Variants in ADCK1 observed in about 807,000 individuals in gnomAD.
ADCK1 encodes the protein aarF domain containing kinase 1, also known as aarF domain-containing protein kinase 1.
A neutral mutation model predicts 52.3 loss-of-function variants in ADCK1; 41 were observed. That is an observed-to-expected ratio of 0.78 (90% CI 0.61 to 1.02). The LOEUF (loss-of-function observed/expected upper bound fraction) is 1.02, where lower values mean the gene tolerates loss of function less well. Ranked by LOEUF, ADCK1 falls within the 50% of genes least tolerant of loss-of-function variation. ADCK1 has a pLI of 0.00. For synonymous variants in ADCK1, 250 were observed against 274.6 expected (o/e 0.91, Z 0.89); for missense variants, 658 against 679.5 (o/e 0.97, Z 0.35).
intron 6 of ADCK1, among the ~76,000 whole-genome samples, chr14:77,905,304 G>GGTTTTTTTTTT (rs2083636578): frequency 1.0e-5 from 1 of 96,278 alleles, no homozygotes; most frequent in African/African-American, 4.3e-5. Flanking sequence ...TTCCTAGCTG[G>GGTTTTTTTTTT]TTTTTTTTTT....
intron 6 of ADCK1, among the ~76,000 whole-genome samples, chr14:77,904,921 A>G (rs2083624870): frequency 6.6e-6 from 1 of 152,146 alleles, no homozygotes; most frequent in Non-Finnish European, 1.5e-5. Context: ...GAAGAAGCAT[A>G]GGACAGGAAA....
At chr14:77,815,143 A>G (rs917283126) in intron 1 of ADCK1, among the ~76,000 whole-genome samples, 1 of 146,602 alleles carries the variant, frequency 6.8e-6, no homozygotes, top group East Asian at 2.0e-4. Flanking sequence ...TTGGCCTCCC[A>G]CCAAGCCTGG....
chr14:77,815,890 A>G (rs529010368), intron 1 of ADCK1, among the ~76,000 whole-genome samples: 1 of 143,436 alleles, frequency 7.0e-6, no homozygotes, highest in South Asian at 2.2e-4. Flanking sequence ...ATCTCAGCTC[A>G]CTGCGACCTC....
rs1456605471 is a variant in ADCK1, at chr14:77,803,548, A to G, written c.-12+3378A>G. On this transcript the variant is annotated intron_variant, in intron 1 of 10. Transcript: ENST00000238561. The stretch of plus-strand genomic sequence containing the variant: ...CAGACTCTCCTGTTGCTTCATTTTC[A>G]TAACCTACTGGGGTGTTTCCTGTGG... Among the ~76,000 whole-genome samples the G allele has an allele frequency of 2.0e-5, 3 of 152,186 alleles. No individual in the cohort carries two copies. The East Asian group carries it at 5.8e-4, about 29-fold the overall frequency.
chr14:77,901,096 G>T (rs890819607), intron 6 of ADCK1, among the ~76,000 whole-genome samples: 3 of 150,382 alleles, frequency 2.0e-5, no homozygotes, highest in Non-Finnish European at 4.4e-5. Flanking sequence ...CCAGACTGGA[G>T]TGCAGTGGCG....
chr14:77,859,789 A>C (rs1175695015), intron 4 of ADCK1, among the ~76,000 whole-genome samples: 1 of 152,194 alleles, frequency 6.6e-6, no homozygotes, highest in Non-Finnish European at 1.5e-5. Flanking sequence ...CGGGATAATG[A>C]ATAGAAGGTG....
At position 77,892,523 on chromosome 14, in the gene ADCK1, C is replaced by G. The variant is rs1047566835; in HGVS notation, c.582+5274C>G. ...TGACTCAGACTCTTTCCATGTTTCA[C>G]TCTGCTATCTCAGCTTCCTGGCTCG... On this transcript the variant is annotated intron_variant, in intron 5 of 10. Transcript: ENST00000238561. 4.5e-4 allele frequency among the ~76,000 whole-genome samples: 69 copies of G among 152,122 alleles called. 1 individual carries two copies. Among genetic ancestry groups the G allele is most frequent in the African/African-American group, 1.6e-3 (65 of 41,400 alleles).
intron 9 of ADCK1, 130 bp downstream of exon 9, chr14:77,926,091 T>C (rs1462780439): frequency 3.6e-6 from 4 of 1,096,430 alleles, no homozygotes; most frequent in African/African-American, 3.1e-5. Context: ...AGGGGAAGAA[T>C]TGGAGCTATA....
intron 7 of ADCK1, among the ~76,000 whole-genome samples, chr14:77,913,227 G>T (rs2083835592): frequency 1.3e-5 from 2 of 152,194 alleles, no homozygotes; most frequent in Non-Finnish European, 1.5e-5. Flanking sequence ...GACTGTCCAG[G>T]CGGTTCAGAC....
At chr14:77,879,194 C>G (rs917454846) in intron 4 of ADCK1, among the ~76,000 whole-genome samples, 12 of 152,160 alleles carry the variant, frequency 7.9e-5, no homozygotes, top group Non-Finnish European at 1.8e-4. Context: ...GAAATCTAAC[C>G]TGAATTCCAT....
intron 3 of ADCK1, 77 bp downstream of exon 3, chr14:77,822,595 C>A: frequency 8.2e-7 from 1 of 1,223,898 alleles, no homozygotes; most frequent in Non-Finnish European, 1.2e-6. Flanking sequence ...AGTGATCCTC[C>A]CACCTCACCC....
Position 77,859,195 on chromosome 14 carries a change from C to G in ADCK1, c.339C>G (p.Ser113Arg), listed in dbSNP as rs1230934640. The change falls in exon 4 of 11, where the codon AGC becomes AGG. Residue 113 changes from serine to arginine, a missense_variant. Ser to Arg is a moderately radical substitution (Grantham distance 110). Transcript: ENST00000238561. ...ACCTGTTGCCAGAGGAGTACACCAG[C>G]ACGCTGAAGGTACTGCACAGCCAGG... is the stretch of plus-strand genomic sequence containing the variant. ...LDYLLPEEYT[S>R]TLKVLHSQAP... The G allele has an allele frequency of 3.1e-6, 5 of 1,614,070 alleles. No individual in the cohort carries two copies. The highest frequency in any genetic ancestry group is 1.7e-4 in the Middle Eastern group (1 of 6,060).
intron 1 of ADCK1, among the ~76,000 whole-genome samples, chr14:77,818,111 T>C (rs2081502174): frequency 6.6e-6 from 1 of 152,178 alleles, no homozygotes; most frequent in Admixed American, 6.5e-5. Context: ...ACCTGGCTGC[T>C]CCTGAGTAGC....
chr14:77,894,022 C>T (rs1032275381), intron 5 of ADCK1, among the ~76,000 whole-genome samples: 13 of 152,140 alleles, frequency 8.5e-5, no homozygotes, highest in Non-Finnish European at 1.5e-4. Context: ...CGTGAGCCAC[C>T]GCGTCCAGCC....
intron 4 of ADCK1, among the ~76,000 whole-genome samples, chr14:77,875,165 G>A (rs1366270559): frequency 6.6e-6 from 1 of 152,114 alleles, no homozygotes; most frequent in East Asian, 1.9e-4. Context: ...CTTGGACATA[G>A]GGAAGTGGAG....
chr14:77,900,660 C>T lies in ADCK1; in HGVS notation c.741+1402C>T, dbSNP rs139496998. Reference sequence around the variant, plus strand: ...GCCAGATGTGGGTGACTCACCGACTCGCAGCGATGTCGAGGTGTGTTTGTT... The same window carrying T: ...GCCAGATGTGGGTGACTCACCGACTTGCAGCGATGTCGAGGTGTGTTTGTT... On this transcript the variant is annotated intron_variant, in intron 6 of 10. Coordinates refer to ENST00000238561, the MANE Select transcript of ADCK1 (RefSeq NM_020421.4). 668 of 451,348 alleles carry T rather than the reference C, an allele frequency of 1.5e-3. 5 individuals carry two copies. The highest frequency in any genetic ancestry group is 0.012 in the African/African-American group (622 of 50,148). The allele number at this position is 451,348 out of a possible 1,614,324, so 28.0% of individuals were successfully genotyped here.
intron 3 of ADCK1, among the ~76,000 whole-genome samples, chr14:77,855,467 T>C (rs724264): frequency 0.055 from 8,335 of 152,330 alleles, 253 homozygotes; most frequent in African/African-American, 0.074. Context: ...TGAAGTCCTG[T>C]GTTCTTAACT....
At chr14:77,873,928 G>A (rs1342135218) in intron 4 of ADCK1, among the ~76,000 whole-genome samples, 2 of 152,212 alleles carry the variant, frequency 1.3e-5, no homozygotes, top group Non-Finnish European at 2.9e-5. Context: ...CATTAGGATG[G>A]AAGGTAGGAG....
chr14:77,877,809 T>G (rs148710879), intron 4 of ADCK1, among the ~76,000 whole-genome samples: 2 of 152,354 alleles, frequency 1.3e-5, no homozygotes, highest in African/African-American at 4.8e-5. Flanking sequence ...CTTGTTAATG[T>G]TGTCCAGGCT....
Sources: allele counts gnomAD v4.1 joint callset (sites outside exome capture counted in the v4.1 genomes callset), GRCh38; gene constraint gnomAD v4.1.1; transcripts MANE v1.5; gene names NCBI Gene and HGNC (gene_info 2026-07-23, HGNC 2026-07-21).